Variants in LAMC2 observed in about 807,000 individuals in gnomAD.
The protein encoded by LAMC2 is laminin subunit gamma 2, also known as laminin subunit gamma-2.
Under a neutral mutation model 140.2 loss-of-function variants are expected in LAMC2, and 97 were observed. That is an observed-to-expected ratio of 0.69 (90% CI 0.59 to 0.82). The LOEUF is 0.82. LAMC2 is among the 40% of genes least tolerant of loss of function. The pLI is 0.00. For missense variants in LAMC2, 1,402 were observed against 1,476.1 expected (o/e 0.95, Z 0.82); for synonymous variants, 513 against 540.2 (o/e 0.95, Z 0.70).
At chr1:183,240,608 T>C in intron 22 of LAMC2, 1 of 1,427,086 alleles carries the variant, frequency 7.0e-7, no homozygotes, top group South Asian at 1.5e-5. Context: ...TGAACACCTA[T>C]TGCACTTGGG....
chr1:183,226,855 G>A lies in LAMC2; in HGVS notation c.1224G>A (p.Gly408=), dbSNP rs989221943. 1 of 1,614,182 alleles carries A rather than the reference G, an allele frequency of 6.2e-7. No individual in the cohort carries two copies. The highest frequency in any genetic ancestry group is 1.3e-5 in the African/African-American group (1 of 75,052). ...ACAAGAGAGATTCAGCGAGACTGGGGCCTTTTGGCACCTGTATTCCTTGTA... is the reference window on the plus strand; with the variant it reads ...ACAAGAGAGATTCAGCGAGACTGGGACCTTTTGGCACCTGTATTCCTTGTA... ...SGYKRDSARL[G]PFGTCIPCNC... The change falls in exon 9 of 23, where the codon GGG becomes GGA. Residue 408 remains glycine, a synonymous_variant. Transcript: ENST00000264144.
chr1:183,208,051 T>C lies in LAMC2; in HGVS notation c.250T>C (p.Cys84Arg). The C allele has an allele frequency of 6.2e-7, 1 of 1,613,770 alleles. No individual in the cohort carries two copies. Among genetic ancestry groups the C allele is most frequent in the South Asian group, 1.1e-5 (1 of 91,066 alleles). ...CAGAGAAAGGGACCGCTGTTTGCCC[T>C]GCAATTGTAACTCCAAAGGTAGCTG... ...RHRERDRCLP[C>R]NCNSKGSLSA... Residue 84 changes from cysteine (C) to arginine (R), a missense_variant, in exon 2 of 23, where the codon TGC becomes CGC. Physicochemically the swap from Cys to Arg is radical, Grantham distance 180 (BLOSUM62 -3). This residue lies in a region of LAMC2 where 723 missense variants were observed against 783.3 expected (regional missense o/e 0.92). Transcript: ENST00000264144.
At chr1:183,196,363 C>G (rs1387796963) in intron 1 of LAMC2, among the ~76,000 whole-genome samples, 1 of 152,198 alleles carries the variant, frequency 6.6e-6, no homozygotes, top group African/African-American at 2.4e-5. Flanking sequence ...TCTCAAACTC[C>G]TGATCTGAAG....
At chr1:183,235,024 A>G (rs1659909980) in intron 15 of LAMC2, among the ~76,000 whole-genome samples, 1 of 152,170 alleles carries the variant, frequency 6.6e-6, no homozygotes, top group African/African-American at 2.4e-5. Flanking sequence ...AGTCAGCGGA[A>G]GAGGGCTGAT....
intron 15 of LAMC2, 152 bp from the exon 16 acceptor site, chr1:183,235,423 C>T (rs1659923155): frequency 2.5e-6 from 2 of 808,482 alleles, no homozygotes; most frequent in Non-Finnish European, 4.1e-6. Context: ...TGCTTCTTGA[C>T]AGCACCTCTA....
rs761604469 is a variant in LAMC2 at position 183,243,334 on chromosome 1, C to T, written c.3516C>T (p.Asn1172=). 1 of 1,614,218 alleles carries T rather than the reference C, an allele frequency of 6.2e-7. No homozygotes were observed. The highest frequency in any genetic ancestry group is 8.5e-7 in the Non-Finnish European group (1 of 1,180,042). The change falls in exon 23 of 23, where the codon AAC becomes AAT. Residue 1172 remains asparagine, a synonymous_variant. Coordinates refer to ENST00000264144, the MANE Select transcript of LAMC2 (RefSeq NM_005562.3). The stretch of plus-strand genomic sequence containing the variant: ...ATGGGATTCTGGCTGATGTGAAGAA[C>T]TTGGAGAACATTAGGGACAACCTGC... The part of the protein sequence containing the change: ...SIDGILADVK[N]LENIRDNLPP...
In LAMC2 at chr1:183,234,364, C is replaced by T; in HGVS notation, c.2221-3C>T. 6.2e-7 allele frequency: 1 copy of T among 1,613,498 alleles called. No individual in the cohort carries two copies. Among genetic ancestry groups the T allele is most frequent in the Non-Finnish European group, 8.5e-7 (1 of 1,179,468 alleles). ...GCCTTAACCGATTCTCCTTTTCCCA[C>T]AGAACATTCCTGCCTCAGACCACTA... On this transcript the variant is annotated splice_region_variant and splice_polypyrimidine_tract_variant and intron_variant, in intron 14 of 22. Coordinates refer to ENST00000264144, the MANE Select transcript of LAMC2 (RefSeq NM_005562.3).
chr1:183,188,074 G>A (rs542847120), intron 1 of LAMC2, among the ~76,000 whole-genome samples: 9 of 152,308 alleles, frequency 5.9e-5, no homozygotes, highest in Admixed American at 1.3e-4. Flanking sequence ...AGAGGACAGA[G>A]CTAGGATTCT....
chr1:183,213,258 G>C (rs555435578), intron 2 of LAMC2, among the ~76,000 whole-genome samples: 8 of 152,260 alleles, frequency 5.3e-5, no homozygotes, highest in Admixed American at 5.2e-4. Flanking sequence ...ATCACTGAAG[G>C]CTCCTTCAAG....
At chr1:183,242,412 A>G (rs1053804215) in intron 22 of LAMC2, among the ~76,000 whole-genome samples, 6 of 152,244 alleles carry the variant, frequency 3.9e-5, no homozygotes, top group Non-Finnish European at 7.3e-5. Context: ...ATGTGAGGCA[A>G]CTTGACCTTG....
At chr1:183,229,398 A>T (rs1335065766) in intron 11 of LAMC2, among the ~76,000 whole-genome samples, 1 of 152,022 alleles carries the variant, frequency 6.6e-6, no homozygotes, top group Non-Finnish European at 1.5e-5. Flanking sequence ...GCACTTTGGG[A>T]AGCTGAGGTG....
intron 2 of LAMC2, among the ~76,000 whole-genome samples, chr1:183,213,007 G>A (rs1016276948): frequency 1.3e-5 from 2 of 152,242 alleles, no homozygotes; most frequent in Non-Finnish European, 2.9e-5. Flanking sequence ...TGGCATGGGA[G>A]GAGACATGCT....
chr1:183,187,340 T>C (rs1191712940), intron 1 of LAMC2, among the ~76,000 whole-genome samples: 2 of 152,216 alleles, frequency 1.3e-5, no homozygotes, highest in African/African-American at 4.8e-5. Flanking sequence ...TTATTGTGCA[T>C]TCCGGGTGAT....
rs972300826 is a variant in LAMC2, at chr1:183,207,863, T to C, written c.80-18T>C. The stretch of plus-strand genomic sequence containing the variant: ...TTTTTTTTTTTTTGACGATCTCTTT[T>C]GTATGCTTCCTCCCCAGTCTGTGAT... On this transcript the variant is annotated intron_variant, in intron 1 of 22. Coordinates refer to ENST00000264144, the MANE Select transcript of LAMC2 (RefSeq NM_005562.3). 5.6e-6 allele frequency: 9 copies of C among 1,604,926 alleles called. No individual in the cohort carries two copies. In the African/African-American group the frequency reaches 6.7e-5, roughly 12 times the overall value.
At chr1:183,252,471 T>TG in the LAMC2 span, 5 of 478,230 alleles carry the variant, frequency 1.0e-5, no homozygotes, top group Non-Finnish European at 2.0e-5. Flanking sequence ...AAGATGACTG[T>TG]GGAATAGGGA....
chr1:183,199,878 G>T (rs1379325870), intron 1 of LAMC2, among the ~76,000 whole-genome samples: 8 of 152,228 alleles, frequency 5.3e-5, no homozygotes, highest in African/African-American at 1.9e-4. Context: ...GAAAGGGTTA[G>T]TGCAGCCTAG....
intron 3 of LAMC2, among the ~76,000 whole-genome samples, chr1:183,217,734 G>A (rs982481713): frequency 6.6e-6 from 1 of 152,194 alleles, no homozygotes; most frequent in African/African-American, 2.4e-5. Context: ...GAGGGCTGGA[G>A]GTGGGACTGG....
intron 19 of LAMC2, among the ~76,000 whole-genome samples, chr1:183,238,860 G>C (rs1660044487): frequency 6.6e-6 from 1 of 152,226 alleles, no homozygotes; most frequent in Admixed American, 6.5e-5. Flanking sequence ...GGTGATAACA[G>C]AGCAACCTTT....
chr1:183,240,038 A>G lies in LAMC2; in HGVS notation c.3070-2A>G. 6.2e-7 allele frequency: 1 copy of G among 1,613,984 alleles called. No individual in the cohort carries two copies. The highest frequency in any genetic ancestry group is 8.5e-7 in the Non-Finnish European group (1 of 1,179,998). ...CGTCCCTGGCTCCTTTTCTTCTCTCAGGAGATTGGGAGTCTGAACTTGGAA... is the reference window on the plus strand; with the variant it reads ...CGTCCCTGGCTCCTTTTCTTCTCTCGGGAGATTGGGAGTCTGAACTTGGAA... On this transcript the variant is annotated splice_acceptor_variant, in intron 20 of 22. Coordinates refer to ENST00000264144, the MANE Select transcript of LAMC2 (RefSeq NM_005562.3). LOFTEE classifies it high-confidence loss of function.
Sources: gnomAD v4.1 joint callset for allele counts (sites outside exome capture counted in the v4.1 genomes callset) on GRCh38, gnomAD v4.1.1 for gene constraint, gnomAD v4.1.1 regional missense constraint, MANE v1.5 for transcripts, NCBI Gene and HGNC (gene_info 2026-07-23, HGNC 2026-07-21) for gene names.